EIF2AK2: variants seen among roughly 807,000 people sequenced by gnomAD.
EIF2AK2 encodes the protein interferon-induced, double-stranded RNA-activated protein kinase.
A neutral mutation model predicts 70.5 loss-of-function variants in EIF2AK2; 40 were observed. The ratio of observed to expected loss-of-function variants is 0.57; its 90% confidence interval spans 0.44 to 0.74. The LOEUF is 0.74. Among genes scored for constraint, EIF2AK2 ranks in the 30% least tolerant of loss-of-function variants. EIF2AK2 has a pLI of 0.00. For synonymous variants in EIF2AK2, 198 were observed against 220.9 expected (o/e 0.90, Z 0.92); for missense variants, 555 against 644.3 (o/e 0.86, Z 1.50).
At chr2:37,131,940 C>T (rs1674955036) in intron 10 of EIF2AK2, among the ~76,000 whole-genome samples, 1 of 152,166 alleles carries the variant, frequency 6.6e-6, no homozygotes, top group African/African-American at 2.4e-5. Flanking sequence ...ATAACATCAA[C>T]CATTCCAATG....
At chr2:37,149,155 C>T in intron 1 of EIF2AK2, 132 bp from the exon 2 acceptor site, 6 of 980,320 alleles carry the variant, frequency 6.1e-6, no homozygotes, top group South Asian at 1.3e-5. Flanking sequence ...CTCGATGCCT[C>T]GATGAAGATT....
chr2:37,136,354 T>G (rs138783331), intron 9 of EIF2AK2, among the ~76,000 whole-genome samples: 1 of 152,356 alleles, frequency 6.6e-6, no homozygotes, highest in African/African-American at 2.4e-5. Context: ...CCTCAAGTCA[T>G]GTCCACTCTT....
chr2:37,109,061 T>C, intron 15 of EIF2AK2, 133 bp downstream of exon 15: 1 of 738,816 alleles, frequency 1.4e-6, no homozygotes, highest in Non-Finnish European at 2.2e-6. Context: ...AGAAAATTCA[T>C]ATTTCATTTG....
At chr2:37,126,148 T>A in intron 11 of EIF2AK2, 141 bp downstream of exon 11, 1 of 1,146,984 alleles carries the variant, frequency 8.7e-7, no homozygotes, top group Non-Finnish European at 1.2e-6. Flanking sequence ...TAAGCCAAAC[T>A]CCTCTTGGTA....
intron 14 of EIF2AK2, 83 bp from the exon 15 acceptor site, chr2:37,109,378 C>T: frequency 2.6e-6 from 3 of 1,148,564 alleles, no homozygotes; most frequent in Middle Eastern, 2.0e-4. Flanking sequence ...AGTTATTTGA[C>T]CAAAACATCT....
chr2:37,100,235 C>T lies in EIF2AK2; in HGVS notation c.*7038G>A, dbSNP rs1673795056. 6.6e-6 allele frequency: 1 copy of T among 152,178 alleles called. No individual in the cohort carries two copies. The highest frequency in any genetic ancestry group is 2.4e-5 in the African/African-American group (1 of 41,442). The allele number at this position is 152,178 out of a possible 1,614,324, so 9.4% of individuals were successfully genotyped here. On this transcript the variant is annotated 3_prime_UTR_variant, in exon 17 of 17. Transcript: ENST00000233057. ...AAACTGCAGACCTGCATGGGTGGGG[C>T]TTACTCGGGAAACACTGAATATGGG...
At chr2:37,152,720 A>C (rs552237547) in intron 1 of EIF2AK2, among the ~76,000 whole-genome samples, 10 of 152,244 alleles carry the variant, frequency 6.6e-5, no homozygotes, top group South Asian at 2.1e-4. Flanking sequence ...TCTATACGCC[A>C]TTACCTCTAA....
intron 13 of EIF2AK2, 98 bp from the exon 14 acceptor site, chr2:37,114,957 T>C (rs2148669601): frequency 1.2e-6 from 1 of 835,312 alleles, no homozygotes; most frequent in East Asian, 3.4e-5. Context: ...ATATTATTTA[T>C]AAGACCTTTA....
In EIF2AK2 at chr2:37,118,910, C is replaced by G. The variant is rs1404950402; in HGVS notation, c.1248+1049G>C. 2.6e-5 allele frequency among the ~76,000 whole-genome samples: 4 copies of G among 152,252 alleles called. No homozygotes were observed. In the East Asian group the frequency reaches 7.7e-4, roughly 29 times the overall value. On this transcript the variant is annotated intron_variant, in intron 13 of 16. Coordinates refer to ENST00000233057, the MANE Select transcript of EIF2AK2 (RefSeq NM_001135651.3). ...TTAGAGGGGTGGGATAAGCAGATAG[C>G]CACATAAATAAGGTACTTCTGCCTA...
chr2:37,123,404 C>A (rs1237038191), intron 11 of EIF2AK2, among the ~76,000 whole-genome samples: 1 of 151,856 alleles, frequency 6.6e-6, no homozygotes, highest in Non-Finnish European at 1.5e-5. Flanking sequence ...GTAGCTGGGA[C>A]CACAGGAGCA....
intron 11 of EIF2AK2, among the ~76,000 whole-genome samples, chr2:37,123,306 A>T (rs1674619800): frequency 6.6e-6 from 1 of 152,026 alleles, no homozygotes; most frequent in African/African-American, 2.4e-5. Flanking sequence ...TTGCTCTGTC[A>T]CCCAGGTTGG....
chr2:37,134,951 C>T (rs1675075367), intron 10 of EIF2AK2, among the ~76,000 whole-genome samples: 1 of 152,198 alleles, frequency 6.6e-6, no homozygotes, highest in South Asian at 2.1e-4. Flanking sequence ...TTGGATATAA[C>T]CTCCAGACTT....
chr2:37,135,630 T>G (rs1369062936), intron 9 of EIF2AK2, 84 bp from the exon 10 acceptor site: 1 of 1,287,986 alleles, frequency 7.8e-7, no homozygotes, highest in African/African-American at 1.5e-5. Flanking sequence ...ACCTTTTTCT[T>G]TCTTTTTTTT....
intron 1 of EIF2AK2, 82 bp from the exon 2 acceptor site, chr2:37,149,105 C>T: frequency 1.1e-6 from 1 of 890,240 alleles, no homozygotes; most frequent in African/African-American, 1.6e-5. Flanking sequence ...AGACTAAGGT[C>T]TATGATAGCC....
intron 10 of EIF2AK2, among the ~76,000 whole-genome samples, chr2:37,135,007 G>C (rs1001893591): frequency 2.0e-5 from 3 of 152,130 alleles, no homozygotes; most frequent in Admixed American, 2.0e-4. Flanking sequence ...ATACTTTAAA[G>C]CTCTTTCCAC....
chr2:37,148,332 A>C (rs1227775699), intron 2 of EIF2AK2, among the ~76,000 whole-genome samples: 1 of 152,152 alleles, frequency 6.6e-6, no homozygotes, highest in Non-Finnish European at 1.5e-5. Flanking sequence ...GAGAAGAAAA[A>C]GATTTAGAGT....
In EIF2AK2 at chr2:37,104,953, G is replaced by A. The variant is rs922449591; in HGVS notation, c.*2320C>T. 1 of 152,186 alleles carries A rather than the reference G, an allele frequency of 6.6e-6. No homozygotes were observed. The highest frequency in any genetic ancestry group is 2.4e-5 in the African/African-American group (1 of 41,456). 9.4% of individuals were successfully genotyped at this position (152,186 alleles called of 1,614,324 possible). On this transcript the variant is annotated 3_prime_UTR_variant, in exon 17 of 17. Transcript: ENST00000233057. ...CCATTGTAAAGGTACATTTTCCCCT[G>A]TATAATTGATACCTCTTCTGTAGGA...
intron 14 of EIF2AK2, among the ~76,000 whole-genome samples, chr2:37,111,651 C>T (rs114128975): frequency 0.021 from 3,164 of 149,552 alleles, 111 homozygotes; most frequent in African/African-American, 0.072. Flanking sequence ...CCCAGGAATT[C>T]GAGACCAGCC....
chr2:37,129,295 A>G (rs537495066), intron 10 of EIF2AK2, among the ~76,000 whole-genome samples: 20 of 152,288 alleles, frequency 1.3e-4, no homozygotes, highest in Non-Finnish European at 2.4e-4. Flanking sequence ...TCTGTTTTCA[A>G]TAAGGCAACC....
Sources: allele counts gnomAD v4.1 joint callset (sites outside exome capture counted in the v4.1 genomes callset), GRCh38; gene constraint gnomAD v4.1.1; transcripts MANE v1.5; gene names NCBI Gene and HGNC (gene_info 2026-07-23, HGNC 2026-07-21).